Variants in VPS54 observed in about 807,000 individuals in gnomAD.
The protein encoded by VPS54 is VPS54 subunit of GARP complex.
VPS54 carries 45 observed loss-of-function variants against 121.5 expected under a neutral mutation model. That is an observed-to-expected ratio of 0.37 (90% CI 0.29 to 0.47). VPS54 has a LOEUF of 0.47. VPS54 is among the 20% of genes least tolerant of loss of function. The pLI is 0.99. For synonymous variants in VPS54, 371 were observed against 385.8 expected (o/e 0.96, Z 0.45); for missense variants, 1,090 against 1,131.4 (o/e 0.96, Z 0.52).
At chr2:63,939,668 A>T (rs1262392003) in intron 11 of VPS54, among the ~76,000 whole-genome samples, 5 of 152,010 alleles carry the variant, frequency 3.3e-5, no homozygotes, top group Non-Finnish European at 7.4e-5. Context: ...CCACCAAAAA[A>T]CCCCAAAGTT....
chr2:63,915,178 A>AAAAAG (rs1673325739), intron 16 of VPS54, among the ~76,000 whole-genome samples: 3 of 148,530 alleles, frequency 2.0e-5, no homozygotes, highest in Non-Finnish European at 3.0e-5. Flanking sequence ...AAAAAAAAAA[A>AAAAAG]GTTTTCCGAA....
chr2:63,938,272 T>C (rs1055810978), intron 11 of VPS54, among the ~76,000 whole-genome samples: 5 of 151,896 alleles, frequency 3.3e-5, no homozygotes, highest in African/African-American at 9.7e-5. Context: ...GGCCTATATT[T>C]GGTCTTTGTC....
chr2:63,989,578 C>T (rs756123765), intron 1 of VPS54, among the ~76,000 whole-genome samples: 1 of 151,988 alleles, frequency 6.6e-6, no homozygotes, highest in Non-Finnish European at 1.5e-5. Flanking sequence ...TCTTTTTTTC[C>T]TAAGTGCACG....
Position 63,930,368 on chromosome 2 carries a change from T to A in VPS54, c.1739+3305A>T, listed in dbSNP as rs535748606. ...GCAAGGCTGGTTTGACATTCATAAA[T>A]CAATAAATGTAATCCATCACATAAG... On this transcript the variant is annotated intron_variant, in intron 12 of 22. Coordinates refer to ENST00000272322, the MANE Select transcript of VPS54 (RefSeq NM_016516.3). Among the ~76,000 whole-genome samples the A allele has an allele frequency of 4.8e-4, 73 of 151,992 alleles. 1 individual carries two copies. In the South Asian group the frequency reaches 0.014, roughly 30 times the overall value.
intron 12 of VPS54, among the ~76,000 whole-genome samples, chr2:63,922,227 T>G (rs1295869659): frequency 3.9e-5 from 6 of 152,192 alleles, no homozygotes; most frequent in Non-Finnish European, 8.8e-5. Context: ...TTTTAAACAT[T>G]TTCCCCCAGG....
chr2:63,990,684 C>G (rs575790401), intron 1 of VPS54, among the ~76,000 whole-genome samples: 30 of 152,326 alleles, frequency 2.0e-4, no homozygotes, highest in African/African-American at 7.2e-4. Context: ...CCAACTCTGT[C>G]TCAGATACCT....
rs144840685 is a variant in VPS54, at chr2:63,931,982, C to T, written c.1739+1691G>A. 4.4e-3 allele frequency among the ~76,000 whole-genome samples: 676 copies of T among 152,176 alleles called. 2 individuals are homozygous for T. The highest frequency in any genetic ancestry group is 8.1e-3 in the Non-Finnish European group (548 of 68,006). On this transcript the variant is annotated intron_variant, in intron 12 of 22. Coordinates refer to ENST00000272322, the MANE Select transcript of VPS54 (RefSeq NM_016516.3). Reference sequence around the variant, plus strand: ...TACCATCTCACTCCAGTTAGAATGGCGATCACTACAAAATCAGGAAACAAC... The same window carrying T: ...TACCATCTCACTCCAGTTAGAATGGTGATCACTACAAAATCAGGAAACAAC...
intron 15 of VPS54, among the ~76,000 whole-genome samples, chr2:63,917,477 A>G (rs772695630): frequency 6.6e-6 from 1 of 152,018 alleles, no homozygotes; most frequent in Non-Finnish European, 1.5e-5. Context: ...TTCAACCCAG[A>G]CGTTACTTTA....
At chr2:63,953,539 T>A (rs1675356167) in intron 7 of VPS54, among the ~76,000 whole-genome samples, 1 of 152,200 alleles carries the variant, frequency 6.6e-6, no homozygotes, top group Non-Finnish European at 1.5e-5. Flanking sequence ...TTTTTCACCT[T>A]TCAAGAGTCA....
intron 7 of VPS54, among the ~76,000 whole-genome samples, chr2:63,955,268 A>T (rs188047306): frequency 0.013 from 1,988 of 151,318 alleles, 59 homozygotes; most frequent in African/African-American, 0.046. Context: ...GTATAAGTTT[A>T]AAAAAAAACA....
chr2:63,947,929 C>T (rs1427491095), intron 8 of VPS54, among the ~76,000 whole-genome samples: 2 of 152,044 alleles, frequency 1.3e-5, no homozygotes, highest in East Asian at 1.9e-4. Context: ...CTTGATCTCC[C>T]AGGCTCAAGT....
At chr2:63,907,728 C>G (rs1324797376) in intron 20 of VPS54, among the ~76,000 whole-genome samples, 1 of 152,002 alleles carries the variant, frequency 6.6e-6, no homozygotes, top group Non-Finnish European at 1.5e-5. Flanking sequence ...ATAAGGAACA[C>G]TTATAAGACA....
chr2:63,934,987 G>A (rs965362314), intron 11 of VPS54, among the ~76,000 whole-genome samples: 1 of 152,072 alleles, frequency 6.6e-6, no homozygotes, highest in African/African-American at 2.4e-5. Flanking sequence ...GAATCTACAT[G>A]GTTCTAGGGA....
intron 1 of VPS54, among the ~76,000 whole-genome samples, chr2:63,994,527 G>A (rs192763910): frequency 6.6e-6 from 1 of 152,298 alleles, no homozygotes; most frequent in Non-Finnish European, 1.5e-5. Context: ...AGGCGGCACT[G>A]CATTTAATGT....
intron 12 of VPS54, among the ~76,000 whole-genome samples, chr2:63,928,589 A>C (rs1674028971): frequency 6.6e-6 from 1 of 152,238 alleles, no homozygotes; most frequent in Non-Finnish European, 1.5e-5. Flanking sequence ...TGCTAGGAAG[A>C]AACTGCATCA....
chr2:63,974,489 AT>A (rs1372803541), intron 3 of VPS54, among the ~76,000 whole-genome samples: 1 of 152,186 alleles, frequency 6.6e-6, no homozygotes, highest in Admixed American at 6.5e-5. Flanking sequence ...AACTGCTAGG[AT>A]TTTAATCAGG....
At chr2:63,996,143 G>C (rs1429903403) in intron 1 of VPS54, among the ~76,000 whole-genome samples, 1 of 152,232 alleles carries the variant, frequency 6.6e-6, no homozygotes, top group Non-Finnish European at 1.5e-5. Flanking sequence ...GTTGCAGGAA[G>C]TCAGGGACCC....
At chr2:63,992,495 G>T (rs763626144) in intron 1 of VPS54, among the ~76,000 whole-genome samples, 61 of 152,188 alleles carry the variant, frequency 4.0e-4, no homozygotes, top group Admixed American at 1.0e-3. Flanking sequence ...CTTTTTAATG[G>T]CGGCCACTGC....
At chr2:63,984,677 G>C (rs1379755320) in intron 1 of VPS54, among the ~76,000 whole-genome samples, 1 of 152,132 alleles carries the variant, frequency 6.6e-6, no homozygotes, top group Non-Finnish European at 1.5e-5. Context: ...TCTTCAAAGA[G>C]CTTGCAACTG....
Sources: gnomAD v4.1 joint callset for allele counts (sites outside exome capture counted in the v4.1 genomes callset) on GRCh38, gnomAD v4.1.1 for gene constraint, MANE v1.5 for transcripts, NCBI Gene and HGNC (gene_info 2026-07-23, HGNC 2026-07-21) for gene names.